Variants in NTM observed in about 807,000 individuals in gnomAD.
NTM encodes the protein IgLON family member 2.
A neutral mutation model predicts 42.1 loss-of-function variants in NTM; 13 were observed. The ratio of observed to expected loss-of-function variants is 0.31; its 90% CI spans 0.20 to 0.49. NTM has a LOEUF of 0.49. Among genes scored for constraint, NTM ranks in the 20% least tolerant of loss-of-function variants. NTM has a pLI of 0.99. For synonymous variants in NTM, 187 were observed against 179.2 expected (o/e 1.04, Z -0.35); for missense variants, 373 against 452.8 (o/e 0.82, Z 1.60).
At chr11:132,325,092 T>A (rs2095650600) in intron 7 of NTM, among the ~76,000 whole-genome samples, 3 of 152,040 alleles carry the variant, frequency 2.0e-5, no homozygotes, top group Admixed American at 2.0e-4. Context: ...GGCATTACCA[T>A]TCAGGACATA....
At chr11:132,071,806 G>A (rs775583432) in intron 2 of NTM, among the ~76,000 whole-genome samples, 8 of 152,056 alleles carry the variant, frequency 5.3e-5, no homozygotes, top group Non-Finnish European at 1.2e-4. Context: ...AAAAAAGTGC[G>A]TTGTATTATA....
At chr11:132,235,329 T>G (rs2088576869) in intron 4 of NTM, among the ~76,000 whole-genome samples, 1 of 152,052 alleles carries the variant, frequency 6.6e-6, no homozygotes, top group African/African-American at 2.4e-5. Context: ...TCACTGTGTG[T>G]GGGTGTGGGT....
intron 1 of NTM, among the ~76,000 whole-genome samples, chr11:131,818,279 A>G (rs753838358): frequency 3.9e-5 from 6 of 152,096 alleles, no homozygotes; most frequent in Non-Finnish European, 7.4e-5. Context: ...ACTCGCTCCC[A>G]TTGACTTTGG....
intron 1 of NTM, among the ~76,000 whole-genome samples, chr11:131,703,302 T>C (rs1378850839): frequency 1.3e-5 from 2 of 152,232 alleles, no homozygotes; most frequent in Non-Finnish European, 2.9e-5. Flanking sequence ...CCAGAATATA[T>C]ACATGTGTCA....
intron 1 of NTM, among the ~76,000 whole-genome samples, chr11:131,697,867 G>A (rs2075642515): frequency 2.0e-5 from 3 of 152,158 alleles, no homozygotes; most frequent in Admixed American, 2.0e-4. Context: ...TTTGGACTAT[G>A]AGAACAACTT....
At chr11:131,444,203 CAAAAAAAAAAAA>C (rs71475757) in intron 1 of NTM, among the ~76,000 whole-genome samples, 2 of 49,504 alleles carry the variant, frequency 4.0e-5, no homozygotes, top group Non-Finnish European at 7.2e-5. Context: ...AGGTTAGAAC[CAAAAAAAAAAAA>C]AAAAAAAAAA....
chr11:131,600,918 T>G (rs970585989), intron 1 of NTM, among the ~76,000 whole-genome samples: 1 of 152,162 alleles, frequency 6.6e-6, no homozygotes. Flanking sequence ...TTCTGAATAA[T>G]GAATTGAGTC....
At chr11:131,719,803 C>T (rs79065090) in intron 1 of NTM, among the ~76,000 whole-genome samples, 58 of 152,302 alleles carry the variant, frequency 3.8e-4, no homozygotes, top group African/African-American at 1.4e-3. Context: ...ATTCACTCTC[C>T]AGGATCTAAG....
chr11:132,304,604 G>A (rs1020257541), intron 4 of NTM, among the ~76,000 whole-genome samples: 1 of 152,252 alleles, frequency 6.6e-6, no homozygotes, highest in East Asian at 1.9e-4. Context: ...CTGATTTTGG[G>A]TGGTTCAAAG....
chr11:131,769,579 CAG>C lies in NTM; in HGVS notation c.83-141983_83-141982del, dbSNP rs1186873006. On this transcript the variant is annotated intron_variant, in intron 1 of 8. Coordinates refer to ENST00000683400, the MANE Select transcript of NTM (RefSeq NM_001352005.2). ...CAAAATATGTGTATCTCATTAATCA[CAG>C]ACATTTGGATAATGCTGTCCTGCAT... The C allele has an allele frequency of 2.4e-5, 24 of 980,908 alleles. No individual in the cohort carries two copies. In the South Asian group the frequency reaches 9.4e-4, roughly 39 times the overall value. The allele number at this position is 980,908 out of a possible 1,614,324, so 60.8% of individuals were successfully genotyped here. A position where few individuals can be genotyped will look rare whatever the true frequency, so the allele number is the denominator to read the frequency against.
chr11:131,667,032 C>T (rs2069184369), intron 1 of NTM, among the ~76,000 whole-genome samples: 1 of 152,176 alleles, frequency 6.6e-6, no homozygotes, highest in Non-Finnish European at 1.5e-5. Context: ...CTTTGGCTGG[C>T]CCTTTGCTCC....
chr11:132,095,106 C>T (rs2060804711), intron 2 of NTM, among the ~76,000 whole-genome samples: 1 of 152,206 alleles, frequency 6.6e-6, no homozygotes, highest in Admixed American at 6.5e-5. Flanking sequence ...CGGCGCTCCC[C>T]TCTTTTTGTC....
intron 1 of NTM, among the ~76,000 whole-genome samples, chr11:131,668,500 C>T (rs986137337): frequency 3.3e-5 from 5 of 152,142 alleles, no homozygotes; most frequent in African/African-American, 7.2e-5. Flanking sequence ...GCGTGGCCAC[C>T]GAAACAAGCT....
intron 2 of NTM, among the ~76,000 whole-genome samples, chr11:132,025,299 G>T (rs554519250): frequency 6.6e-6 from 1 of 152,342 alleles, no homozygotes; most frequent in Admixed American, 6.5e-5. Context: ...TGGTGGGCAG[G>T]TGGTCAGTCT....
chr11:131,388,422 G>A (rs1306049478), intron 1 of NTM, among the ~76,000 whole-genome samples: 1 of 145,502 alleles, frequency 6.9e-6, no homozygotes, highest in Non-Finnish European at 1.5e-5. Context: ...TTTGGGTTTT[G>A]GGTTTTTTTT....
chr11:131,830,402 C>T (rs71483687), intron 1 of NTM, among the ~76,000 whole-genome samples: 15,578 of 152,112 alleles, frequency 0.1, 1,103 homozygotes, highest in East Asian at 0.34. Flanking sequence ...CCAGCTATTC[C>T]AACATGATTT....
At chr11:131,611,433 A>T (rs2061456412) in intron 1 of NTM, among the ~76,000 whole-genome samples, 1 of 152,310 alleles carries the variant, frequency 6.6e-6, no homozygotes, top group Non-Finnish European at 1.5e-5. Context: ...TATGAACATG[A>T]ATGTGGTAAT....
intron 1 of NTM, among the ~76,000 whole-genome samples, chr11:131,547,504 C>A (rs945839722): frequency 3.3e-5 from 5 of 152,044 alleles, no homozygotes; most frequent in African/African-American, 4.8e-5. Flanking sequence ...AGTGGGATGG[C>A]GTTCAGTGAA....
intron 1 of NTM, among the ~76,000 whole-genome samples, chr11:131,618,491 C>T (rs543300375): frequency 1.4e-4 from 21 of 152,180 alleles, no homozygotes; most frequent in South Asian, 6.2e-4. Flanking sequence ...ACATGCTATC[C>T]GAATTAAATT....
Sources: gnomAD v4.1 joint callset for allele counts (sites outside exome capture counted in the v4.1 genomes callset) on GRCh38, gnomAD v4.1.1 for gene constraint, MANE v1.5 for transcripts, NCBI Gene and HGNC (gene_info 2026-07-23, HGNC 2026-07-21) for gene names.